The following NTRK2 variants were observed in gnomAD, a reference collection of about 807,000 sequenced individuals.
The protein encoded by NTRK2 is BDNF/NT-3 growth factors receptor.
NTRK2 carries 13 observed loss-of-function variants against 94.5 expected under a neutral mutation model. The observed-to-expected ratio is 0.14, with a 90% confidence interval of 0.09 to 0.22. The LOEUF is 0.22. NTRK2 is among the 10% of genes least tolerant of loss of function. The pLI is 1.00. For missense variants in NTRK2, 639 were observed against 1,071.2 expected (o/e 0.60, Z 5.63); for synonymous variants, 372 against 407.4 (o/e 0.91, Z 1.05).
intron 14 of NTRK2, among the ~76,000 whole-genome samples, chr9:84,899,080 T>C (rs907999222): frequency 6.6e-6 from 1 of 152,180 alleles, no homozygotes; most frequent in Non-Finnish European, 1.5e-5. Context: ...CCTTGAGTGA[T>C]TTGAGCACTG....
At chr9:84,761,598 A>G (rs889364644) in intron 12 of NTRK2, among the ~76,000 whole-genome samples, 16 of 152,212 alleles carry the variant, frequency 1.1e-4, no homozygotes, top group African/African-American at 3.6e-4. Flanking sequence ...TCTGCCCTGC[A>G]CTTCTGGTGA....
At chr9:84,840,687 C>G (rs1397282651) in intron 12 of NTRK2, among the ~76,000 whole-genome samples, 2 of 152,186 alleles carry the variant, frequency 1.3e-5, no homozygotes, top group Non-Finnish European at 2.9e-5. Flanking sequence ...TTCCCATGCA[C>G]CATGCCCCAA....
chr9:84,815,806 CTTTAGAAGA>C, intron 12 of NTRK2: 1 of 931,588 alleles, frequency 1.1e-6, no homozygotes, highest in Non-Finnish European at 1.3e-6. Context: ...GAACTGAAGA[CTTTAGAAGA>C]AACAGTGTGA....
chr9:84,904,487 T>C (rs1359158121), intron 14 of NTRK2, among the ~76,000 whole-genome samples: 1 of 152,238 alleles, frequency 6.6e-6, no homozygotes, highest in East Asian at 1.9e-4. Context: ...AACAACTGTG[T>C]TTTTAAAAAT....
At chr9:84,984,111 C>A (rs1827994087) in intron 17 of NTRK2, among the ~76,000 whole-genome samples, 1 of 152,174 alleles carries the variant, frequency 6.6e-6, no homozygotes, top group East Asian at 1.9e-4. Context: ...TGATGATTAG[C>A]CTTTATATTC....
chr9:84,995,342 C>A (rs1829619117), intron 17 of NTRK2, among the ~76,000 whole-genome samples: 1 of 151,892 alleles, frequency 6.6e-6, no homozygotes, highest in Admixed American at 6.6e-5. Flanking sequence ...AGGGAAAAAA[C>A]ACTTTTTATC....
intron 12 of NTRK2, among the ~76,000 whole-genome samples, chr9:84,793,253 A>G (rs2068918259): frequency 6.6e-6 from 1 of 151,736 alleles, no homozygotes; most frequent in African/African-American, 2.4e-5. Flanking sequence ...CCATATTGAG[A>G]ACAGAGGTGC....
chr9:84,817,373 G>A (rs2133652102), intron 12 of NTRK2, among the ~76,000 whole-genome samples: 1 of 152,336 alleles, frequency 6.6e-6, no homozygotes, highest in Non-Finnish European at 1.5e-5. Flanking sequence ...GGAGTTATTA[G>A]GATTCTGCTC....
intron 12 of NTRK2, among the ~76,000 whole-genome samples, chr9:84,832,833 G>T (rs555981037): frequency 3.9e-5 from 6 of 152,116 alleles, no homozygotes; most frequent in East Asian, 3.9e-4. Flanking sequence ...TGTTTGAATC[G>T]CAGGGAGGAG....
intron 12 of NTRK2, among the ~76,000 whole-genome samples, chr9:84,851,866 A>G (rs1054126944): frequency 6.6e-6 from 1 of 152,244 alleles, no homozygotes; most frequent in Non-Finnish European, 1.5e-5. Flanking sequence ...GTCTAGAAGG[A>G]CTAAAAAAAG....
chr9:84,868,794 T>C (rs28569929), intron 14 of NTRK2, among the ~76,000 whole-genome samples: 37 of 152,254 alleles, frequency 2.4e-4, no homozygotes, highest in African/African-American at 7.7e-4. Context: ...CTAAGCAGGA[T>C]ACTGTGATGG....
At chr9:84,788,802 C>G (rs551746406) in intron 12 of NTRK2, among the ~76,000 whole-genome samples, 2 of 152,156 alleles carry the variant, frequency 1.3e-5, no homozygotes, top group South Asian at 4.1e-4. Context: ...TTGCGAGCTA[C>G]CTTGAGTTTG....
intron 14 of NTRK2, among the ~76,000 whole-genome samples, chr9:84,926,190 C>CTT (rs1199858575): frequency 7.9e-6 from 1 of 127,184 alleles, no homozygotes; most frequent in East Asian, 2.3e-4. Flanking sequence ...TTCTTTCTTT[C>CTT]TTTCTTTCTT....
chr9:84,876,741 C>T, intron 14 of NTRK2: 1 of 1,061,102 alleles, frequency 9.4e-7, no homozygotes, highest in Non-Finnish European at 1.1e-6. Context: ...AGTGCCATTT[C>T]CTGATATCTA....
chr9:84,872,075 G>A, intron 14 of NTRK2: 2 of 1,364,918 alleles, frequency 1.5e-6, no homozygotes, highest in South Asian at 3.1e-5. Flanking sequence ...AATCAGGATG[G>A]CAAGATGGAG....
intron 17 of NTRK2, among the ~76,000 whole-genome samples, chr9:85,019,206 A>G (rs1449331152): frequency 6.6e-6 from 1 of 152,146 alleles, no homozygotes; most frequent in African/African-American, 2.4e-5. Flanking sequence ...ATGCACCATT[A>G]CTCTATAAAC....
chr9:84,857,613 G>A (rs772599185), intron 12 of NTRK2, among the ~76,000 whole-genome samples: 1 of 152,214 alleles, frequency 6.6e-6, no homozygotes, highest in South Asian at 2.1e-4. Flanking sequence ...GTTTGAGGAA[G>A]TGTGCGGTAT....
chr9:84,870,364 T>TAA (rs1564411540), intron 14 of NTRK2, among the ~76,000 whole-genome samples: 18 of 131,680 alleles, frequency 1.4e-4, no homozygotes, highest in South Asian at 1.3e-3. Flanking sequence ...TATATATATA[T>TAA]AAAACTCTGT....
At chr9:84,779,237 G>A (rs1310896316) in intron 12 of NTRK2, among the ~76,000 whole-genome samples, 1 of 152,156 alleles carries the variant, frequency 6.6e-6, no homozygotes, top group Non-Finnish European at 1.5e-5. Context: ...TTGGAAGCCT[G>A]GTGACATTGA....
Sources: allele counts gnomAD v4.1 joint callset (sites outside exome capture counted in the v4.1 genomes callset), GRCh38; gene constraint gnomAD v4.1.1; transcripts MANE v1.5; gene names NCBI Gene and HGNC (gene_info 2026-07-23, HGNC 2026-07-21).